Variants in SNX29 observed in about 807,000 individuals in gnomAD.
SNX29 encodes the protein sorting nexin-29.
In SNX29, 78 loss-of-function variants were observed where a neutral mutation model predicts 102.1. That is an observed-to-expected ratio of 0.76 (90% CI 0.64 to 0.92). SNX29 has a LOEUF of 0.92. Ranked by LOEUF, SNX29 falls within the 40% of genes least tolerant of loss-of-function variation. The probability of loss-of-function intolerance (pLI) is 0.00; values close to 1 mark genes in which losing one functional copy is unlikely to be tolerated. For missense variants in SNX29, 1,280 were observed against 1,061.7 expected (o/e 1.21, Z -2.86); for synonymous variants, 580 against 414.5 (o/e 1.40, Z -4.85).
At chr16:12,019,321 C>A (rs1026668296) in intron 3 of SNX29, among the ~76,000 whole-genome samples, 8 of 152,034 alleles carry the variant, frequency 5.3e-5, no homozygotes, top group African/African-American at 1.9e-4. Flanking sequence ...CATTCTCCTG[C>A]TTCAGCCTCC....
At chr16:12,563,350 G>C (rs1028247900) in intron 20 of SNX29, among the ~76,000 whole-genome samples, 4 of 152,174 alleles carry the variant, frequency 2.6e-5, no homozygotes, top group Non-Finnish European at 5.9e-5. Context: ...CCATTATCCT[G>C]AGCCTGTCTT....
intron 3 of SNX29, among the ~76,000 whole-genome samples, chr16:12,009,768 CT>C (rs1312570530): frequency 1.3e-5 from 2 of 152,176 alleles, no homozygotes; most frequent in African/African-American, 4.8e-5. Flanking sequence ...TTCAGTCAGA[CT>C]GGCCTGTGAA....
At chr16:12,461,977 AAATATATATATATATATATATAT>A (rs1477298747) in intron 18 of SNX29, among the ~76,000 whole-genome samples, 15 of 49,630 alleles carry the variant, frequency 3.0e-4, no homozygotes, top group South Asian at 1.0e-3. Flanking sequence ...AAAAAAAAAA[AAATATATATATATATATATATAT>A]ATATATATAT....
chr16:12,238,982 ACT>A (rs1272194622), intron 14 of SNX29, among the ~76,000 whole-genome samples: 2 of 151,312 alleles, frequency 1.3e-5, no homozygotes, highest in Non-Finnish European at 2.9e-5. Flanking sequence ...GGCCAAAAGG[ACT>A]CTCCCCCGCT....
chr16:12,166,605 C>T (rs1279417054), intron 13 of SNX29, among the ~76,000 whole-genome samples: 1 of 152,208 alleles, frequency 6.6e-6, no homozygotes, highest in African/African-American at 2.4e-5. Context: ...TCCCCACCTA[C>T]TTCTCAGGTG....
chr16:12,051,957 G>A lies in SNX29; in HGVS notation c.859G>A (p.Gly287Arg), dbSNP rs768472333. Residue 287 changes from glycine to arginine, a missense_variant, in exon 8 of 21, where the codon GGG becomes AGG. By Grantham distance (125) the Gly-to-Arg change is moderately radical. Transcript: ENST00000566228. ...NSGDVFKKTP[G>R]AGESSEDNSD... ...TGGGGACGTGTTTAAAAAGACACCTGGGGCAGGGGAGAGCTCAGAGGACAA... is the reference window on the plus strand; with the variant it reads ...TGGGGACGTGTTTAAAAAGACACCTAGGGCAGGGGAGAGCTCAGAGGACAA... 1.7e-5 allele frequency: 27 copies of A among 1,613,730 alleles called. No homozygotes were observed. The African/African-American group carries it at 3.3e-4, about 20-fold the overall frequency.
At chr16:12,280,949 C>T (rs1201843765) in intron 15 of SNX29, among the ~76,000 whole-genome samples, 2 of 152,188 alleles carry the variant, frequency 1.3e-5, no homozygotes, top group South Asian at 2.1e-4. Flanking sequence ...AGTCTGTCGC[C>T]TAGGCTGGAG....
intron 13 of SNX29, among the ~76,000 whole-genome samples, chr16:12,176,242 C>A (rs1466189541): frequency 6.6e-6 from 1 of 152,184 alleles, no homozygotes; most frequent in Non-Finnish European, 1.5e-5. Flanking sequence ...GTTATGGCAG[C>A]CCTGGCAGAC....
chr16:12,559,787 T>C (rs2078610829), intron 20 of SNX29, among the ~76,000 whole-genome samples: 1 of 152,134 alleles, frequency 6.6e-6, no homozygotes, highest in Non-Finnish European at 1.5e-5. Flanking sequence ...ACACAGCACC[T>C]TCGTCCTTAC....
chr16:12,130,807 C>T (rs553524767), intron 13 of SNX29, among the ~76,000 whole-genome samples: 3 of 152,102 alleles, frequency 2.0e-5, no homozygotes, highest in African/African-American at 4.8e-5. Flanking sequence ...TCAGAGATTG[C>T]TCTCGTTGGT....
intron 15 of SNX29, among the ~76,000 whole-genome samples, chr16:12,354,655 G>C (rs760516055): frequency 6.6e-6 from 1 of 152,124 alleles, no homozygotes; most frequent in South Asian, 2.1e-4. Flanking sequence ...GGTTTGCTGC[G>C]TGGTGAATGG....
chr16:12,277,145 TG>T (rs2079276674), intron 14 of SNX29, among the ~76,000 whole-genome samples: 1 of 152,086 alleles, frequency 6.6e-6, no homozygotes, highest in Non-Finnish European at 1.5e-5. Context: ...CTCAGCACTT[TG>T]GGAAGCTGAG....
intron 20 of SNX29, among the ~76,000 whole-genome samples, chr16:12,547,888 T>C (rs1310185317): frequency 1.3e-5 from 2 of 152,172 alleles, no homozygotes; most frequent in Non-Finnish European, 1.5e-5. Flanking sequence ...GCAGCAGTTC[T>C]AGGGCTGTAT....
At chr16:12,523,513 C>G (rs75226297) in intron 19 of SNX29, among the ~76,000 whole-genome samples, 8,867 of 152,216 alleles carry the variant, frequency 0.058, 506 homozygotes, top group African/African-American at 0.14. Flanking sequence ...CCAGGGGCTA[C>G]TAGCACAGAT....
At chr16:12,475,402 C>T (rs1180752239) in intron 18 of SNX29, among the ~76,000 whole-genome samples, 2 of 152,272 alleles carry the variant, frequency 1.3e-5, no homozygotes, top group East Asian at 3.9e-4. Flanking sequence ...TTATCAAACT[C>T]TTTTTGTAAA....
At position 12,571,268 on chromosome 16, in the gene SNX29, G is replaced by T; in HGVS notation, c.*2639G>T. The T allele has an allele frequency of 4.3e-6, 1 of 232,092 alleles. No homozygotes were observed. The highest frequency in any genetic ancestry group is 8.5e-6 in the Non-Finnish European group (1 of 117,328). The allele number at this position is 232,092 out of a possible 1,614,324, so 14.4% of individuals were successfully genotyped here. ...AAACACCCAGGCCTAGCAGAATTGT[G>T]GCTGAAACCTGGTGCCCAAATTCCA... On this transcript the variant is annotated 3_prime_UTR_variant, in exon 21 of 21. Coordinates refer to ENST00000566228, the MANE Select transcript of SNX29 (RefSeq NM_032167.5).
intron 20 of SNX29, among the ~76,000 whole-genome samples, chr16:12,530,694 T>C (rs1175498845): frequency 6.6e-6 from 1 of 152,104 alleles, no homozygotes; most frequent in Non-Finnish European, 1.5e-5. Context: ...TAGCTGGAAT[T>C]ACAAGTGGCC....
intron 16 of SNX29, among the ~76,000 whole-genome samples, chr16:12,361,175 G>A (rs924964680): frequency 2.2e-4 from 33 of 152,324 alleles, no homozygotes; most frequent in African/African-American, 6.7e-4. Flanking sequence ...CTCCCAGTGT[G>A]AGTGGGGTAG....
At chr16:12,270,198 A>G (rs2079050508) in intron 14 of SNX29, among the ~76,000 whole-genome samples, 1 of 152,182 alleles carries the variant, frequency 6.6e-6, no homozygotes, top group Non-Finnish European at 1.5e-5. Flanking sequence ...AATCACCCTC[A>G]GGAAAGATGC....
Sources: allele counts gnomAD v4.1 joint callset (sites outside exome capture counted in the v4.1 genomes callset), GRCh38; gene constraint gnomAD v4.1.1; transcripts MANE v1.5; gene names NCBI Gene and HGNC (gene_info 2026-07-23, HGNC 2026-07-21).